The following SPOP variants were observed in gnomAD, a reference collection of about 807,000 sequenced individuals.
SPOP encodes the protein speckle-type POZ protein.
A neutral mutation model predicts 45.6 loss-of-function variants in SPOP; 11 were observed. That is an observed-to-expected ratio of 0.24 (90% CI 0.15 to 0.40). SPOP has a LOEUF of 0.40. Among genes scored for constraint, SPOP ranks in the 10% least tolerant of loss-of-function variants. SPOP has a pLI of 1.00. For missense variants in SPOP, 152 were observed against 465.6 expected (o/e 0.33, Z 6.20); for synonymous variants, 166 against 166.3 (o/e 1.00, Z 0.01).
chr17:49,677,636 G>C (rs750420176), intron 1 of SPOP, among the ~76,000 whole-genome samples: 69 of 151,790 alleles, frequency 4.5e-4, no homozygotes, highest in South Asian at 4.2e-4. Flanking sequence ...CACCCATCTC[G>C]CCGCAGGCGA....
chr17:49,611,073 A>G (rs2071963127), intron 6 of SPOP, among the ~76,000 whole-genome samples: 1 of 152,186 alleles, frequency 6.6e-6, no homozygotes, highest in African/African-American at 2.4e-5. Context: ...GCCTAGGTCC[A>G]CTACAGAGAG....
At chr17:49,643,826 A>G (rs2072703934) in intron 1 of SPOP, among the ~76,000 whole-genome samples, 1 of 151,490 alleles carries the variant, frequency 6.6e-6, no homozygotes, top group Non-Finnish European at 1.5e-5. Flanking sequence ...GCTACTTGGG[A>G]GGCTGAGGAA....
At chr17:49,623,801 T>A (rs1483177164) in intron 1 of SPOP, among the ~76,000 whole-genome samples, 1 of 152,166 alleles carries the variant, frequency 6.6e-6, no homozygotes, top group African/African-American at 2.4e-5. Flanking sequence ...TCAGTCTCCT[T>A]TACTAGATTA....
At chr17:49,652,717 A>G (rs1229458407) in intron 1 of SPOP, among the ~76,000 whole-genome samples, 4 of 152,178 alleles carry the variant, frequency 2.6e-5, no homozygotes, top group Non-Finnish European at 5.9e-5. Flanking sequence ...CCAATTTTAA[A>G]CATCTAGAAT....
At chr17:49,642,475 G>C (rs1359939724) in intron 1 of SPOP, among the ~76,000 whole-genome samples, 1 of 152,132 alleles carries the variant, frequency 6.6e-6, no homozygotes, top group Non-Finnish European at 1.5e-5. Flanking sequence ...CTGGGTGACA[G>C]AGTGAGACTC....
intron 6 of SPOP, among the ~76,000 whole-genome samples, chr17:49,609,969 C>T (rs530472326): frequency 1.0e-3 from 159 of 152,132 alleles, no homozygotes; most frequent in Non-Finnish European, 1.8e-3. Flanking sequence ...AGAACACCTC[C>T]ACTGAGAATG....
In SPOP at chr17:49,611,345, C is replaced by G; in HGVS notation, c.593G>C (p.Arg198Pro). The G allele has an allele frequency of 6.2e-7, 1 of 1,614,162 alleles. No homozygotes were observed. The highest frequency in any genetic ancestry group is 8.5e-7 in the Non-Finnish European group (1 of 1,180,020). The change falls in exon 6 of 10, where the codon CGG (arginine) becomes CCG (proline). Residue 198 changes from arginine to proline, a missense_variant. Physicochemically the swap from Arg to Pro is moderately radical, Grantham distance 103. Coordinates refer to ENST00000504102, the MANE Select transcript of SPOP (RefSeq NM_001007228.2). Reference protein sequence around the residue: ...DELGGLWENSRFTDCCLCVAG... With the variant: ...DELGGLWENSPFTDCCLCVAG... Reference sequence around the variant, plus strand: ...AACACACAAGCAGCAGTCTGTGAACCGGGAATTCTCCCACAGTCCTCCTAA... The same window carrying G: ...AACACACAAGCAGCAGTCTGTGAACGGGGAATTCTCCCACAGTCCTCCTAA...
intron 1 of SPOP, among the ~76,000 whole-genome samples, chr17:49,628,367 T>G (rs1162298506): frequency 6.6e-6 from 1 of 152,224 alleles, no homozygotes; most frequent in Non-Finnish European, 1.5e-5. Flanking sequence ...CTGCTTAATT[T>G]CCAACGAAGG....
chr17:49,607,094 A>G lies in SPOP; in HGVS notation c.837+156T>C, dbSNP rs2071866355. On this transcript the variant is annotated intron_variant, in intron 8 of 9. Transcript: ENST00000504102. ...TTTGAGAATAAAAAGTGTGCTATTA[A>G]TAATTGTGTTGGAATAATATGTGTA... 4 of 801,288 alleles carry G rather than the reference A, an allele frequency of 5.0e-6. No individual in the cohort carries two copies. In the Admixed American group the frequency reaches 1.1e-4, roughly 22 times the overall value. 49.6% of individuals were successfully genotyped at this position (801,288 alleles called of 1,614,324 possible).
chr17:49,607,577 G>A (rs917803948), intron 7 of SPOP, among the ~76,000 whole-genome samples: 1 of 152,062 alleles, frequency 6.6e-6, no homozygotes, highest in Non-Finnish European at 1.5e-5. Flanking sequence ...AAACATAACA[G>A]CAAAACAACT....
rs1277093820 is a variant in SPOP at position 49,619,717 on chromosome 17, G to T, written c.201-332C>A. ...GCCAGCTAATTTTTGTAGAGATGGG[G>T]TTTCGCCATATTGCCCAGGCTGGTC... On this transcript the variant is annotated intron_variant, in intron 3 of 9. Transcript: ENST00000504102. The surrounding 1 kb of genome is among the most constrained non-coding windows in gnomAD (Gnocchi z 4.9). 1.3e-5 allele frequency among the ~76,000 whole-genome samples: 2 copies of T among 152,044 alleles called. No individual in the cohort carries two copies. The highest frequency in any genetic ancestry group is 4.8e-5 in the African/African-American group (2 of 41,398).
rs144560391 is a variant in SPOP at position 49,644,647 on chromosome 17, G to A, written c.-66-21771C>T. 1.1e-4 allele frequency among the ~76,000 whole-genome samples: 17 copies of A among 152,130 alleles called. No homozygotes were observed. The East Asian group carries it at 2.5e-3, about 22-fold the overall frequency. On this transcript the variant is annotated intron_variant, in intron 1 of 9. Transcript: ENST00000504102. ...TAAAAACAAAACAGCTAAAATGGAA[G>A]ACCTAGATCTGAATCTACCAACATG...
chr17:49,622,091 A>C (rs1371483942), intron 2 of SPOP, 24 bp from the exon 3 acceptor site: 1 of 1,610,510 alleles, frequency 6.2e-7, no homozygotes, highest in South Asian at 1.1e-5. Flanking sequence ...AACAGGAAGC[A>C]ATTAAATAGG....
At chr17:49,625,786 C>T (rs201447545) in intron 1 of SPOP, among the ~76,000 whole-genome samples, 1 of 151,924 alleles carries the variant, frequency 6.6e-6, no homozygotes, top group African/African-American at 2.4e-5. Context: ...ACAACAACAA[C>T]AAAAAACAGC....
At chr17:49,656,285 TTAAA>T (rs1207409825) in intron 1 of SPOP, among the ~76,000 whole-genome samples, 1 of 152,228 alleles carries the variant, frequency 6.6e-6, no homozygotes, top group African/African-American at 2.4e-5. Flanking sequence ...AGATCATTAT[TTAAA>T]TAATCCACAT....
At chr17:49,625,864 T>A (rs751560942) in intron 1 of SPOP, among the ~76,000 whole-genome samples, 1 of 152,168 alleles carries the variant, frequency 6.6e-6, no homozygotes, top group Non-Finnish European at 1.5e-5. Flanking sequence ...GGGAAAATAA[T>A]GTAAGATGCT....
chr17:49,632,072 T>C (rs1567785882), intron 1 of SPOP, among the ~76,000 whole-genome samples: 1 of 152,226 alleles, frequency 6.6e-6, no homozygotes, highest in Non-Finnish European at 1.5e-5. Flanking sequence ...AAATATTTGT[T>C]CAATGAAATT....
At chr17:49,673,828 T>C (rs2073167284) in intron 1 of SPOP, among the ~76,000 whole-genome samples, 2 of 152,004 alleles carry the variant, frequency 1.3e-5, no homozygotes, top group Admixed American at 6.6e-5. Context: ...TTTCCTATAT[T>C]CAGTAGGTGT....
intron 1 of SPOP, among the ~76,000 whole-genome samples, chr17:49,629,921 CTG>C (rs1567784877): frequency 1.3e-5 from 2 of 152,150 alleles, no homozygotes; most frequent in African/African-American, 4.8e-5. Context: ...AATCATGAAA[CTG>C]TTGTTTTATA....
Sources: allele counts gnomAD v4.1 joint callset (sites outside exome capture counted in the v4.1 genomes callset), GRCh38; gene constraint gnomAD v4.1.1; non-coding constraint Gnocchi (gnomAD v3.1); transcripts MANE v1.5; gene names NCBI Gene and HGNC (gene_info 2026-07-23, HGNC 2026-07-21).